LIPH: variants seen among roughly 807,000 people sequenced by gnomAD.
The protein encoded by LIPH is lipase member H.
Under a neutral mutation model 47.6 loss-of-function variants are expected in LIPH, and 32 were observed. That is an observed-to-expected ratio of 0.67 (90% confidence interval 0.51 to 0.90). The LOEUF is 0.90. Ranked by LOEUF, LIPH falls within the 40% of genes least tolerant of loss-of-function variation. The pLI is 0.00. For synonymous variants in LIPH, 190 were observed against 195.6 expected (o/e 0.97, Z 0.24); for missense variants, 497 against 541.4 (o/e 0.92, Z 0.81).
At chr3:185,531,692 G>T (rs1239651174) in intron 3 of LIPH, among the ~76,000 whole-genome samples, 1 of 152,092 alleles carries the variant, frequency 6.6e-6, no homozygotes, top group Admixed American at 6.6e-5. Context: ...GCCAACCTGG[G>T]CAACAACATG....
rs78611656 is a variant in LIPH, at chr3:185,512,312, C to T, written c.1095-615G>A. Reference sequence around the variant, plus strand: ...AGATGAACCTTAAAAAAGGCAAATCCAGAGTCTGATCCTGTTATCCAAGTG... The same window carrying T: ...AGATGAACCTTAAAAAAGGCAAATCTAGAGTCTGATCCTGTTATCCAAGTG... On this transcript the variant is annotated intron_variant, in intron 8 of 9. Transcript: ENST00000296252. 1.5e-3 allele frequency among the ~76,000 whole-genome samples: 235 copies of T among 151,960 alleles called. 1 individual carries two copies. Among genetic ancestry groups the T allele is most frequent in the African/African-American group, 5.4e-3 (224 of 41,460 alleles).
At chr3:185,536,944 G>A (rs1720520385) in intron 1 of LIPH, among the ~76,000 whole-genome samples, 1 of 152,160 alleles carries the variant, frequency 6.6e-6, no homozygotes, top group South Asian at 2.1e-4. Context: ...GAGTGCAGTG[G>A]TGCAATCTCG....
At chr3:185,508,917 T>A (rs1408370015) in intron 9 of LIPH, 40 bp from the exon 10 acceptor site, 1 of 1,204,530 alleles carries the variant, frequency 8.3e-7, no homozygotes, top group African/African-American at 1.5e-5. Flanking sequence ...AATGAATTTA[T>A]AAAAATGCAA....
In LIPH at chr3:185,513,822, T is replaced by C. The variant is rs529802696; in HGVS notation, c.1094+588A>G. The stretch of plus-strand genomic sequence containing the variant: ...TTGGGAAGCCGAGGCGGGCAGATCA[T>C]GAAGTCAGGAGTTTGAGACCAGCCT... On this transcript the variant is annotated intron_variant, in intron 8 of 9. Coordinates refer to ENST00000296252, the MANE Select transcript of LIPH (RefSeq NM_139248.3). Among the ~76,000 whole-genome samples, 351 of 152,218 alleles carry C rather than the reference T, an allele frequency of 2.3e-3. 4 individuals are homozygous for C. The highest frequency in any genetic ancestry group is 8.5e-4 in the Non-Finnish European group (58 of 68,010).
At chr3:185,528,934 T>A (rs563599679) in intron 3 of LIPH, among the ~76,000 whole-genome samples, 34 of 144,450 alleles carry the variant, frequency 2.4e-4, no homozygotes, top group Admixed American at 2.3e-3. Context: ...GAGGCCGAGG[T>A]GGGCGGATCA....
intron 7 of LIPH, among the ~76,000 whole-genome samples, chr3:185,516,287 GC>G (rs946037057): frequency 3.2e-4 from 49 of 151,314 alleles, no homozygotes; most frequent in Admixed American, 5.9e-4. Flanking sequence ...ACAAAAATTA[GC>G]CAGGCATGGT....
chr3:185,538,383 CAT>C (rs1465135908), intron 1 of LIPH, among the ~76,000 whole-genome samples: 7 of 152,120 alleles, frequency 4.6e-5, no homozygotes, highest in African/African-American at 9.7e-5. Flanking sequence ...CTACCTGTGA[CAT>C]GTGTCATATA....
intron 1 of LIPH, among the ~76,000 whole-genome samples, chr3:185,538,844 CACATATATAT>C (rs1421869630): frequency 9.1e-5 from 7 of 76,794 alleles, no homozygotes; most frequent in African/African-American, 1.3e-4. Flanking sequence ...TACATATATA[CACATATATAT>C]ACATATATAC....
intron 1 of LIPH, among the ~76,000 whole-genome samples, chr3:185,539,977 A>G (rs1017324441): frequency 3.3e-5 from 5 of 152,182 alleles, no homozygotes; most frequent in Admixed American, 1.3e-4. Flanking sequence ...GGCACTCTCT[A>G]ATTGGAAACT....
At position 185,506,996 on chromosome 3, in the gene LIPH, CTG is replaced by C. The variant is rs1395732662; in HGVS notation, c.*1792_*1793del. ...ATCCCTCACTTAAATAAAACAGACT[CTG>C]TATTTGCTGCAAATGTAAATCTGTA... On this transcript the variant is annotated 3_prime_UTR_variant, in exon 10 of 10. Coordinates refer to ENST00000296252, the MANE Select transcript of LIPH (RefSeq NM_139248.3). The C allele has an allele frequency of 6.6e-6, 1 of 152,148 alleles. No individual in the cohort carries two copies. Among genetic ancestry groups the C allele is most frequent in the African/African-American group, 2.4e-5 (1 of 41,432 alleles). 9.4% of individuals were successfully genotyped at this position (152,148 alleles called of 1,614,324 possible).
intron 1 of LIPH, among the ~76,000 whole-genome samples, chr3:185,548,730 GAAACAAAACAAAACAAAAACA>G (rs989288075): frequency 4.0e-5 from 6 of 149,602 alleles, no homozygotes; most frequent in Non-Finnish European, 5.9e-5. Context: ...CTCCATCTCA[GAAACAAAACAAAACAAAAACA>G]AAACAAAACA....
At chr3:185,515,180 T>C (rs896406528) in intron 7 of LIPH, among the ~76,000 whole-genome samples, 1 of 151,272 alleles carries the variant, frequency 6.6e-6, no homozygotes, top group Non-Finnish European at 1.5e-5. Context: ...ATTTACAAAA[T>C]GCAAGAAAGG....
chr3:185,549,099 C>A (rs1720975231), intron 1 of LIPH, among the ~76,000 whole-genome samples: 1 of 151,440 alleles, frequency 6.6e-6, no homozygotes, highest in African/African-American at 2.4e-5. Flanking sequence ...CCACTGCAGT[C>A]CAGCCTGGCA....
chr3:185,533,864 T>C lies in LIPH; in HGVS notation c.418-185A>G, dbSNP rs7610334. 4.3e-3 allele frequency among the ~76,000 whole-genome samples: 651 copies of C among 152,338 alleles called. 6 individuals carry two copies. Among genetic ancestry groups the C allele is most frequent in the African/African-American group, 0.015 (612 of 41,586 alleles). ...CTTTTGATTATGCAGATGAGGAAAC[T>C]GAGGCCCTAAGCTGAAGTCATCTGC... On this transcript the variant is annotated intron_variant, in intron 2 of 9. Coordinates refer to ENST00000296252, the MANE Select transcript of LIPH (RefSeq NM_139248.3).
chr3:185,516,319 G>C (rs952450128), intron 7 of LIPH, among the ~76,000 whole-genome samples: 1 of 152,080 alleles, frequency 6.6e-6, no homozygotes, highest in Non-Finnish European at 1.5e-5. Flanking sequence ...TGTAGTCTCA[G>C]GTACTCGGAA....
At chr3:185,521,751 C>T (rs986554173) in intron 5 of LIPH, among the ~76,000 whole-genome samples, 1 of 152,132 alleles carries the variant, frequency 6.6e-6, no homozygotes, top group African/African-American at 2.4e-5. Context: ...AATGTGTTCA[C>T]GAGTCTGTAG....
intron 5 of LIPH, among the ~76,000 whole-genome samples, chr3:185,519,836 C>CAAAAAAA (rs145391972): frequency 3.7e-5 from 2 of 53,830 alleles, no homozygotes; most frequent in African/African-American, 1.6e-4. Context: ...CACTCCATCT[C>CAAAAAAA]AAAAAAAAAA....
intron 5 of LIPH, among the ~76,000 whole-genome samples, chr3:185,521,460 T>C (rs776910319): frequency 9.9e-5 from 15 of 152,230 alleles, no homozygotes; most frequent in Non-Finnish European, 2.2e-4. Flanking sequence ...CTGGTTCTTA[T>C]GAGCTTCCTC....
chr3:185,547,826 CAA>C (rs548499364), intron 1 of LIPH, among the ~76,000 whole-genome samples: 26 of 113,440 alleles, frequency 2.3e-4, no homozygotes, highest in Non-Finnish European at 1.9e-4. Flanking sequence ...ACTCCATCTC[CAA>C]AAAAAAAAAA....
Sources: gnomAD v4.1 joint callset for allele counts (sites outside exome capture counted in the v4.1 genomes callset) on GRCh38, gnomAD v4.1.1 for gene constraint, MANE v1.5 for transcripts, NCBI Gene and HGNC (gene_info 2026-07-23, HGNC 2026-07-21) for gene names.